Variants in MIA3 observed in about 807,000 individuals in gnomAD.
The protein encoded by MIA3 is transport and Golgi organization protein 1 homolog.
MIA3 carries 90 observed loss-of-function variants against 192.4 expected under a neutral mutation model. The observed-to-expected ratio is 0.47, with a 90% CI of 0.39 to 0.56. The LOEUF is 0.56. Ranked by LOEUF, MIA3 falls within the 20% of genes least tolerant of loss-of-function variation. MIA3 has a pLI of 0.00. For missense variants in MIA3, 2,123 were observed against 2,269.4 expected, an observed-to-expected ratio of 0.94 and a Z score of 1.31; for synonymous variants, 740 against 792.8, an observed-to-expected ratio of 0.93 and a Z score of 1.12.
intron 6 of MIA3, chr1:222,644,300 G>C: frequency 7.0e-7 from 1 of 1,424,530 alleles, no homozygotes; most frequent in East Asian, 2.6e-5. Context: ...GGCAGTGGCT[G>C]ATGACGTGTT....
intron 18 of MIA3, 75 bp downstream of exon 18, chr1:222,654,868 A>G: frequency 7.9e-7 from 1 of 1,261,336 alleles, no homozygotes. Context: ...AGATAATGTT[A>G]TCGTTTTTCA....
chr1:222,645,786 A>AAAGCATTAATTTC, intron 7 of MIA3, 101 bp downstream of exon 7: 5 of 1,039,394 alleles, frequency 4.8e-6, no homozygotes, highest in Non-Finnish European at 6.9e-6. Flanking sequence ...ACAGAAATTA[A>AAAGCATTAATTTC]TGCTTTTAAT....
In MIA3 at chr1:222,618,254, T is replaced by C. The variant is rs1661694529; in HGVS notation, c.133+11T>C. 3.5e-6 allele frequency: 5 copies of C among 1,431,554 alleles called. No homozygotes were observed. The highest frequency in any genetic ancestry group is 3.0e-5 in the African/African-American group (2 of 67,164). 88.7% of individuals were successfully genotyped at this position (1,431,554 alleles called of 1,614,324 possible). On this transcript the variant is annotated intron_variant, in intron 1 of 27. Transcript: ENST00000344922. ...ACGACGAATGCAGCAGTGAGTGCGCTGGAGGGGCGGCTGGCCTCGGGGCGG... is the reference window on the plus strand; with the variant it reads ...ACGACGAATGCAGCAGTGAGTGCGCCGGAGGGGCGGCTGGCCTCGGGGCGG...
intron 2 of MIA3, among the ~76,000 whole-genome samples, chr1:222,622,022 T>TGGC (rs1661893664): frequency 6.6e-6 from 1 of 152,158 alleles, no homozygotes; most frequent in Non-Finnish European, 1.5e-5. Flanking sequence ...GTTAGCTAGG[T>TGGC]CTCGATCTCC....
intron 27 of MIA3, chr1:222,664,915 G>A (rs1248996495): frequency 4.3e-6 from 2 of 464,828 alleles, no homozygotes; most frequent in South Asian, 3.2e-5. Flanking sequence ...AGTGGCTCAC[G>A]CCTGTAATCC....
Position 222,630,005 on chromosome 1 carries a change from T to A in MIA3, c.2785T>A (p.Phe929Ile). Reference protein sequence around the residue: ...KREDLLIISSFFKEQQSLQRF... With the variant: ...KREDLLIISSIFKEQQSLQRF... Reference sequence around the variant, plus strand: ...GGAGGACTTACTTATCATAAGCAGCTTCTTTAAAGAACAACAGTCTTTGCA... The same window carrying A: ...GGAGGACTTACTTATCATAAGCAGCATCTTTAAAGAACAACAGTCTTTGCA... Residue 929 changes from phenylalanine to isoleucine, a missense_variant, in exon 4 of 28, where the codon TTC (phenylalanine) becomes ATC (isoleucine). Physicochemically the swap from Phe to Ile is conservative, Grantham distance 21. Coordinates refer to ENST00000344922, the MANE Select transcript of MIA3 (RefSeq NM_198551.4). 6.2e-7 allele frequency: 1 copy of A among 1,614,154 alleles called. No individual in the cohort carries two copies. Among genetic ancestry groups the A allele is most frequent in the Non-Finnish European group, 8.5e-7 (1 of 1,180,034 alleles).
intron 6 of MIA3, among the ~76,000 whole-genome samples, chr1:222,642,522 A>G (rs191931805): frequency 1.7e-3 from 257 of 152,260 alleles, no homozygotes; most frequent in Non-Finnish European, 2.7e-3. Flanking sequence ...TTTTGTGCAT[A>G]TATTTTTTCA....
chr1:222,627,444 C>T (rs890138295), intron 3 of MIA3, 131 bp from the exon 4 acceptor site: 14 of 737,162 alleles, frequency 1.9e-5, no homozygotes, highest in Non-Finnish European at 2.9e-5. Flanking sequence ...ACAGTCAGTG[C>T]CCAGTGTTGA....
chr1:222,619,308 A>G (rs758109222), intron 1 of MIA3, among the ~76,000 whole-genome samples: 6 of 152,212 alleles, frequency 3.9e-5, no homozygotes, highest in Admixed American at 1.3e-4. Flanking sequence ...ACTGATAGCC[A>G]CTGCAGAAAC....
chr1:222,629,072 T>C lies in MIA3; in HGVS notation c.1852T>C (p.Leu618=). The C allele has an allele frequency of 6.2e-7, 1 of 1,614,092 alleles. No homozygotes were observed. Among genetic ancestry groups the C allele is most frequent in the African/African-American group, 1.3e-5 (1 of 75,032 alleles). The change falls in exon 4 of 28, where the codon TTG becomes CTG. Residue 618 remains leucine (L), a synonymous_variant. Coordinates refer to ENST00000344922, the MANE Select transcript of MIA3 (RefSeq NM_198551.4). ...TLSVEHQREE[L]KEELVLKTQN... is the part of the protein sequence containing the mutation. The stretch of plus-strand genomic sequence containing the variant: ...TTCAGTGGAGCATCAACGTGAGGAA[T>C]TGAAAGAGGAATTAGTTCTTAAAAC...
chr1:222,652,970 G>C (rs755058809), intron 13 of MIA3, 38 bp from the exon 14 acceptor site: 4 of 1,594,804 alleles, frequency 2.5e-6, no homozygotes, highest in Middle Eastern at 1.7e-4. Flanking sequence ...CAGTGCAAAA[G>C]CCCTAACCTG....
intron 17 of MIA3, 74 bp downstream of exon 17, chr1:222,654,553 C>T (rs1343825445): frequency 6.4e-7 from 1 of 1,553,762 alleles, no homozygotes; most frequent in African/African-American, 1.4e-5. Context: ...TAAAGAGCGG[C>T]TTCCTGCTTT....
At chr1:222,647,472 T>C (rs1663202695) in intron 7 of MIA3, among the ~76,000 whole-genome samples, 1 of 152,190 alleles carries the variant, frequency 6.6e-6, no homozygotes, top group South Asian at 2.1e-4. Context: ...TCATCATTAA[T>C]AAATTTTCTC....
At chr1:222,652,359 A>T (rs764774823) in intron 13 of MIA3, 27 bp downstream of exon 13, 2 of 1,468,926 alleles carry the variant, frequency 1.4e-6, no homozygotes, top group Non-Finnish European at 9.5e-7. Context: ...GTCCCAGGTC[A>T]TGTAAAATAG....
chr1:222,629,661 G>A lies in MIA3; in HGVS notation c.2441G>A (p.Arg814His), dbSNP rs777503964. 6.3e-5 allele frequency: 101 copies of A among 1,613,934 alleles called. No homozygotes were observed. Among genetic ancestry groups the A allele is most frequent in the Non-Finnish European group, 7.6e-5 (90 of 1,180,006 alleles). Residue 814 changes from arginine to histidine, a missense_variant, in exon 4 of 28, where the codon CGC becomes CAC. By Grantham distance (29) the Arg-to-His change is conservative. Around this residue, in one of 3 missense-constraint regions of MIA3, gnomAD observed 1,357 missense variants for 1,396.1 expected, o/e 0.97. Transcript: ENST00000344922. ...CCAAATACAATGGTGGAAAAAGAAC[G>A]CCCTCTGGCAGATAAGAAAGCACAG... ...REPNTMVEKE[R>H]PLADKKAQRP...
chr1:222,636,506 CTTTTT>C (rs34208115), intron 6 of MIA3, among the ~76,000 whole-genome samples: 1 of 74,032 alleles, frequency 1.4e-5, no homozygotes. Flanking sequence ...TAGTGTCCAT[CTTTTT>C]TTTTTTTTTT....
chr1:222,666,546 A>G lies in MIA3; in HGVS notation c.*927A>G, dbSNP rs1438749475. On this transcript the variant is annotated 3_prime_UTR_variant, in exon 28 of 28. Coordinates refer to ENST00000344922, the MANE Select transcript of MIA3 (RefSeq NM_198551.4). ...TTTTAAAATGTACAGTCCCTTATCT[A>G]TCTTTCCCATTCCTTGCCACTGATT... 6.6e-6 allele frequency: 1 copy of G among 152,072 alleles called. No homozygotes were observed. Among genetic ancestry groups the G allele is most frequent in the Non-Finnish European group, 1.5e-5 (1 of 68,028 alleles). 9.4% of individuals were successfully genotyped at this position (152,072 alleles called of 1,614,324 possible).
At chr1:222,641,504 T>C (rs941220403) in intron 6 of MIA3, 1 of 497,436 alleles carries the variant, frequency 2.0e-6, no homozygotes. Context: ...GGTGTGCTCC[T>C]GGAGAGCTGG....
intron 18 of MIA3, 126 bp downstream of exon 18, chr1:222,654,919 C>CTTTA: frequency 1.2e-6 from 1 of 841,214 alleles, no homozygotes. Context: ...ATAAATTTGT[C>CTTTA]TTTCTTTCTT....
Sources: allele counts gnomAD v4.1 joint callset (sites outside exome capture counted in the v4.1 genomes callset), GRCh38; gene constraint gnomAD v4.1.1; regional missense constraint gnomAD v4.1.1; transcripts MANE v1.5; gene names NCBI Gene and HGNC (gene_info 2026-07-23, HGNC 2026-07-21).